The following PTPRN2 variants were observed in gnomAD, a reference collection of about 807,000 sequenced individuals.
PTPRN2 encodes protein tyrosine phosphatase receptor type N2.
A neutral mutation model predicts 118.8 loss-of-function variants in PTPRN2; 74 were observed. The observed-to-expected ratio is 0.62, with a 90% CI of 0.52 to 0.76. PTPRN2 has a LOEUF of 0.76. Ranked by LOEUF, PTPRN2 falls within the 30% of genes least tolerant of loss-of-function variation. The pLI is 0.00. For synonymous variants in PTPRN2, 641 were observed against 608.0 expected (o/e 1.05, Z -0.80); for missense variants, 1,481 against 1,394.4 (o/e 1.06, Z -0.99).
chr7:158,336,951 ACACT>A (rs113946797), intron 2 of PTPRN2, among the ~76,000 whole-genome samples: 1,085 of 98,108 alleles, frequency 0.011, no homozygotes, highest in African/African-American at 0.035. Context: ...CTCGTCACTC[ACACT>A]CACACTCTCA....
At chr7:157,716,405 C>T (rs1165498394) in intron 12 of PTPRN2, among the ~76,000 whole-genome samples, 1 of 112,352 alleles carries the variant, frequency 8.9e-6, no homozygotes, top group Admixed American at 8.4e-5. Context: ...CACACAGACT[C>T]TGCAGGAACA....
chr7:158,237,985 G>A (rs900225580), intron 3 of PTPRN2, among the ~76,000 whole-genome samples: 1 of 152,188 alleles, frequency 6.6e-6, no homozygotes, highest in Admixed American at 6.5e-5. Flanking sequence ...TGATTTCTGT[G>A]GCCACACCTG....
intron 2 of PTPRN2, among the ~76,000 whole-genome samples, chr7:158,366,275 C>T (rs1809501484): frequency 6.7e-6 from 1 of 149,952 alleles, no homozygotes; most frequent in Non-Finnish European, 1.5e-5. Context: ...CACACACCCA[C>T]AGCATCCCTG....
chr7:158,267,076 G>A (rs930530591), intron 3 of PTPRN2, among the ~76,000 whole-genome samples: 1 of 152,250 alleles, frequency 6.6e-6, no homozygotes, highest in East Asian at 1.9e-4. Context: ...ACCTCAGACA[G>A]CCCCACACCC....
intron 12 of PTPRN2, among the ~76,000 whole-genome samples, chr7:157,842,517 T>C (rs752900634): frequency 6.0e-5 from 9 of 149,702 alleles, no homozygotes; most frequent in Non-Finnish European, 1.0e-4. Context: ...CGTATTCAAG[T>C]GATTCTCCTG....
chr7:157,853,537 C>T (rs1433620068), intron 12 of PTPRN2, among the ~76,000 whole-genome samples: 2 of 152,112 alleles, frequency 1.3e-5, no homozygotes, highest in Non-Finnish European at 2.9e-5. Context: ...CAGCACAAGC[C>T]CCGTGACCCT....
intron 2 of PTPRN2, among the ~76,000 whole-genome samples, chr7:158,429,377 A>G (rs1815991987): frequency 6.6e-6 from 1 of 152,228 alleles, no homozygotes; most frequent in South Asian, 2.1e-4. Flanking sequence ...TTCCTCCTGC[A>G]GCTCAGAGCT....
In PTPRN2 at chr7:158,264,618, C is replaced by A. The variant is rs147428628; in HGVS notation, c.277+52201G>T. Among the ~76,000 whole-genome samples the A allele has an allele frequency of 4.6e-5, 7 of 152,234 alleles. No individual in the cohort carries two copies. The East Asian group carries it at 1.4e-3, about 30-fold the overall frequency. ...ACAGTCTAGGAAGAGACTCACTGCC[C>A]CAGATTCACCTCGAGACTCCAAATG... On this transcript the variant is annotated intron_variant, in intron 3 of 22. Transcript: ENST00000389418.
At chr7:158,145,978 C>G (rs1819935364) in intron 6 of PTPRN2, among the ~76,000 whole-genome samples, 1 of 152,144 alleles carries the variant, frequency 6.6e-6, no homozygotes, top group African/African-American at 2.4e-5. Context: ...GGCATGGGCC[C>G]AGCATACTGT....
At chr7:158,269,485 C>T (rs1798151413) in intron 3 of PTPRN2, among the ~76,000 whole-genome samples, 1 of 152,238 alleles carries the variant, frequency 6.6e-6, no homozygotes, top group South Asian at 2.1e-4. Flanking sequence ...TCCCAGACAC[C>T]TGGGAAGTCT....
intron 11 of PTPRN2, among the ~76,000 whole-genome samples, chr7:157,957,085 C>T (rs1253581987): frequency 6.6e-6 from 1 of 152,182 alleles, no homozygotes; most frequent in Non-Finnish European, 1.5e-5. Flanking sequence ...TACATTTGAC[C>T]TCCATGGCTC....
intron 17 of PTPRN2, among the ~76,000 whole-genome samples, chr7:157,579,624 C>T (rs767521926): frequency 1.3e-4 from 20 of 152,238 alleles, no homozygotes; most frequent in Admixed American, 4.6e-4. Flanking sequence ...TGGGGGGACC[C>T]GGACGGCCTG....
At position 158,133,756 on chromosome 7, in the gene PTPRN2, C is replaced by G; in HGVS notation, c.1477G>C (p.Glu493Gln). ...EEQSLPAGAQEALSDGLQLEV... is the reference protein window; with the variant it reads ...EEQSLPAGAQQALSDGLQLEV... Reference sequence around the variant, plus strand: ...AATTGCAGGCCGTCGCTGAGGGCCTCCTGAGCACCCGCTGGAAGGCTCTGC... The same window carrying G: ...AATTGCAGGCCGTCGCTGAGGGCCTGCTGAGCACCCGCTGGAAGGCTCTGC... Residue 493 changes from glutamate to glutamine, a missense_variant, in exon 9 of 23, where the codon GAG becomes CAG. Transcript: ENST00000389418. 6.2e-7 allele frequency: 1 copy of G among 1,613,746 alleles called. No homozygotes were observed. The highest frequency in any genetic ancestry group is 8.5e-7 in the Non-Finnish European group (1 of 1,179,850).
chr7:158,018,966 C>CAAAAAAAAAAA (rs753498681), intron 11 of PTPRN2, among the ~76,000 whole-genome samples: 4 of 65,814 alleles, frequency 6.1e-5, no homozygotes, highest in Admixed American at 1.6e-4. Flanking sequence ...GTTTCAAAAA[C>CAAAAAAAAAAA]AAAAAAAAAA....
In PTPRN2 at chr7:158,517,261, C is replaced by T. The variant is rs897158867; in HGVS notation, c.113-27476G>A. On this transcript the variant is annotated intron_variant, in intron 1 of 22. Coordinates refer to ENST00000389418, the MANE Select transcript of PTPRN2 (RefSeq NM_002847.5). This position sits in a 1 kb window ranked among gnomAD's most constrained non-coding sequence, Gnocchi z 5.3. ...TCCTCCTCACTTCGGGGGTGCAAGC[C>T]TGCAAGACCAAACAGCCCACAGCCT... 6.6e-6 allele frequency among the ~76,000 whole-genome samples: 1 copy of T among 152,246 alleles called. No homozygotes were observed. The highest frequency in any genetic ancestry group is 2.4e-5 in the African/African-American group (1 of 41,464).
intron 12 of PTPRN2, among the ~76,000 whole-genome samples, chr7:157,821,719 A>C (rs1806851947): frequency 6.6e-6 from 1 of 152,168 alleles, no homozygotes; most frequent in African/African-American, 2.4e-5. Context: ...GGGCAGAGGC[A>C]GTGGCTGAGG....
intron 3 of PTPRN2, among the ~76,000 whole-genome samples, chr7:158,224,501 T>C (rs1828605383): frequency 6.6e-6 from 1 of 152,180 alleles, no homozygotes; most frequent in Non-Finnish European, 1.5e-5. Context: ...AAAATTTGCC[T>C]TTTCAACAAA....
At chr7:157,689,151 G>T (rs1038060683) in intron 12 of PTPRN2, among the ~76,000 whole-genome samples, 1 of 152,224 alleles carries the variant, frequency 6.6e-6, no homozygotes, top group Admixed American at 6.5e-5. Flanking sequence ...GAGGGGGCGG[G>T]AGGGCACTTT....
intron 1 of PTPRN2, among the ~76,000 whole-genome samples, chr7:158,550,771 A>T (rs1314998572): frequency 6.6e-6 from 1 of 152,152 alleles, no homozygotes; most frequent in African/African-American, 2.4e-5. Flanking sequence ...ACTTCCTACT[A>T]AGTGTAATTA....
Sources: allele counts gnomAD v4.1 joint callset (sites outside exome capture counted in the v4.1 genomes callset), GRCh38; gene constraint gnomAD v4.1.1; non-coding constraint Gnocchi (gnomAD v3.1); transcripts MANE v1.5; gene names NCBI Gene and HGNC (gene_info 2026-07-23, HGNC 2026-07-21).